Variants in TXNRD2 observed in about 807,000 individuals in gnomAD.
The protein encoded by TXNRD2 is thioredoxin reductase 2, also known as thioredoxin reductase 2, mitochondrial.
TXNRD2 carries 67 observed loss-of-function variants against 70.8 expected under a neutral mutation model. The ratio of observed to expected loss-of-function variants is 0.95; its 90% CI spans 0.78 to 1.16. The LOEUF is 1.16. TXNRD2 is among the 50% of genes most tolerant of loss of function. The probability of loss-of-function intolerance (pLI) is 0.00; values close to 1 mark genes in which losing one functional copy is unlikely to be tolerated. For missense variants in TXNRD2, 644 were observed against 719.9 expected (o/e 0.89, Z 1.21); for synonymous variants, 301 against 295.8 (o/e 1.02, Z -0.18).
chr22:19,894,982 A>G (rs1210914211), intron 11 of TXNRD2: 60 of 1,470,444 alleles, frequency 4.1e-5, no homozygotes, highest in East Asian at 1.3e-4. Context: ...AAAAAAAAAA[A>G]AAAAGAAAAG....
chr22:19,915,137 G>C, intron 7 of TXNRD2, 77 bp downstream of exon 7: 1 of 1,349,812 alleles, frequency 7.4e-7, no homozygotes, highest in Non-Finnish European at 1.0e-6. Flanking sequence ...TGGGAAGCAC[G>C]TGTGTAAAAA....
Position 19,920,889 on chromosome 22 carries a change from G to T in TXNRD2, c.173-1290C>A, listed in dbSNP as rs150229229. Among the ~76,000 whole-genome samples, 1,212 of 152,296 alleles carry T rather than the reference G, an allele frequency of 8.0e-3. 9 individuals carry two copies. Among genetic ancestry groups the T allele is most frequent in the Middle Eastern group, 0.031 (9 of 294 alleles). Reference sequence around the variant, plus strand: ...AGGCCAAGGTGGGCAGATCACGAGGGCAGGAGATCGAGAACATCCTGGCTA... The same window carrying T: ...AGGCCAAGGTGGGCAGATCACGAGGTCAGGAGATCGAGAACATCCTGGCTA... On this transcript the variant is annotated intron_variant, in intron 2 of 17. Coordinates refer to ENST00000400521, the MANE Select transcript of TXNRD2 (RefSeq NM_006440.5).
intron 7 of TXNRD2, among the ~76,000 whole-genome samples, chr22:19,913,355 A>G (rs1370290746): frequency 6.6e-6 from 1 of 152,058 alleles, no homozygotes; most frequent in African/African-American, 2.4e-5. Flanking sequence ...CTCTGGTCCC[A>G]CTCCCACCTC....
intron 1 of TXNRD2, among the ~76,000 whole-genome samples, chr22:19,934,542 C>A (rs796319567): frequency 6.6e-6 from 1 of 151,470 alleles, no homozygotes; most frequent in Non-Finnish European, 1.5e-5. Context: ...TATCAATTCC[C>A]AAGTAATACT....
At chr22:19,875,862 T>G (rs1313861343) in intron 17 of TXNRD2, 55 bp from the exon 18 acceptor site, 1 of 152,118 alleles carries the variant, frequency 6.6e-6, no homozygotes, top group East Asian at 1.9e-4. Context: ...CACATCAGCC[T>G]AGCTATGTCT....
chr22:19,920,911 G>A (rs776165392), intron 2 of TXNRD2, among the ~76,000 whole-genome samples: 9 of 152,232 alleles, frequency 5.9e-5, no homozygotes, highest in East Asian at 1.9e-4. Context: ...GAACATCCTG[G>A]CTAACACGGT....
intron 10 of TXNRD2, among the ~76,000 whole-genome samples, chr22:19,896,264 C>T (rs1387749364): frequency 6.6e-6 from 1 of 151,810 alleles, no homozygotes; most frequent in Non-Finnish European, 1.5e-5. Context: ...TGCCACTGCA[C>T]TCCAGCCTGG....
intron 11 of TXNRD2, chr22:19,894,849 G>A (rs1939422981): frequency 4.1e-6 from 2 of 482,196 alleles, no homozygotes; most frequent in South Asian, 4.2e-5. Flanking sequence ...TTAGTCAGGT[G>A]TAGTGGTGGG....
At chr22:19,925,894 T>C (rs1227586821) in intron 2 of TXNRD2, among the ~76,000 whole-genome samples, 6 of 152,068 alleles carry the variant, frequency 3.9e-5, no homozygotes, top group Non-Finnish European at 2.9e-5. Flanking sequence ...GGGCCGGGCA[T>C]GGTGGCTCAC....
intron 8 of TXNRD2, among the ~76,000 whole-genome samples, chr22:19,903,408 G>A (rs1939866351): frequency 6.6e-6 from 1 of 152,238 alleles, no homozygotes. Flanking sequence ...GGGAGGACTA[G>A]AATAGAGGGA....
chr22:19,883,705 A>C, intron 11 of TXNRD2: 1 of 512,844 alleles, frequency 1.9e-6, no homozygotes, highest in Non-Finnish European at 3.5e-6. Context: ...TATAATCCCA[A>C]CACTTTGGGA....
At chr22:19,898,923 G>T in intron 9 of TXNRD2, 126 bp downstream of exon 9, 1 of 1,225,890 alleles carries the variant, frequency 8.2e-7, no homozygotes, top group South Asian at 1.3e-5. Context: ...CCTCCACGCC[G>T]AGAGGCCCAG....
chr22:19,929,339 A>AG (rs1283912203), intron 2 of TXNRD2, among the ~76,000 whole-genome samples: 1 of 151,570 alleles, frequency 6.6e-6, no homozygotes, highest in African/African-American at 2.4e-5. Flanking sequence ...AAAAAAAAAA[A>AG]AAAAAATTAG....
At chr22:19,883,299 C>T (rs1938867187) in intron 12 of TXNRD2, 26 bp downstream of exon 12, 2 of 1,609,516 alleles carry the variant, frequency 1.2e-6, no homozygotes, top group South Asian at 1.1e-5. Flanking sequence ...GGGGCAGGGG[C>T]CCTGGTCCCG....
At position 19,940,161 on chromosome 22, in the gene TXNRD2, C is replaced by T. The variant is rs539242513; in HGVS notation, c.103+1540G>A. Reference sequence around the variant, plus strand: ...TCGGGAGGCTGAGGCAGGAGAATGGCGTGAACCCGGGAGGCGGAGCTTGCA... The same window carrying T: ...TCGGGAGGCTGAGGCAGGAGAATGGTGTGAACCCGGGAGGCGGAGCTTGCA... On this transcript the variant is annotated intron_variant, in intron 1 of 17. Coordinates refer to ENST00000400521, the MANE Select transcript of TXNRD2 (RefSeq NM_006440.5). Among the ~76,000 whole-genome samples the T allele has an allele frequency of 2.0e-3, 288 of 141,286 alleles. 1 individual carries two copies. The highest frequency in any genetic ancestry group is 7.0e-3 in the African/African-American group (274 of 38,916). 92.7% of individuals were successfully genotyped at this position (141,286 alleles called of 152,430 possible). A position where few individuals can be genotyped will look rare whatever the true frequency, so the allele number is the denominator to read the frequency against.
chr22:19,931,634 G>A (rs527261778), intron 1 of TXNRD2, among the ~76,000 whole-genome samples: 20 of 152,180 alleles, frequency 1.3e-4, no homozygotes, highest in Non-Finnish European at 2.4e-4. Flanking sequence ...CTCCAGAATA[G>A]CTGGGACTAC....
intron 12 of TXNRD2, among the ~76,000 whole-genome samples, chr22:19,881,901 C>T (rs1054058968): frequency 2.0e-5 from 3 of 152,196 alleles, no homozygotes; most frequent in Admixed American, 1.3e-4. Context: ...ACAATCGGGT[C>T]GGCTAGATGG....
chr22:19,899,120 C>G, intron 8 of TXNRD2, 52 bp from the exon 9 acceptor site: 2 of 1,604,288 alleles, frequency 1.2e-6, no homozygotes, highest in Non-Finnish European at 1.7e-6. Context: ...CCTTATTGAC[C>G]AAGTGCAGTC....
chr22:19,886,629 G>C (rs1036465483), intron 11 of TXNRD2, among the ~76,000 whole-genome samples: 1 of 152,258 alleles, frequency 6.6e-6, no homozygotes, highest in Admixed American at 6.5e-5. Context: ...GCACTATTCA[G>C]GCCATTTAGG....
Sources: gnomAD v4.1 joint callset for allele counts (sites outside exome capture counted in the v4.1 genomes callset) on GRCh38, gnomAD v4.1.1 for gene constraint, MANE v1.5 for transcripts, NCBI Gene and HGNC (gene_info 2026-07-23, HGNC 2026-07-21) for gene names.